Variants in TSPAN7 observed in about 807,000 individuals in gnomAD.
The protein encoded by TSPAN7 is tetraspanin 7.
In TSPAN7, 1 loss-of-function variant was observed where a neutral mutation model predicts 17.6. That is an observed-to-expected ratio of 0.06 (90% CI 0.02 to 0.27). TSPAN7 has a LOEUF of 0.27. Ranked by LOEUF, TSPAN7 falls within the 10% of genes least tolerant of loss-of-function variation. TSPAN7 has a pLI of 1.00. For missense variants in TSPAN7, 112 were observed against 201.7 expected, an observed-to-expected ratio of 0.56 and a Z score of 2.69; for synonymous variants, 78 against 79.0, an observed-to-expected ratio of 0.99 and a Z score of 0.07.
In TSPAN7 at chrX:38,658,293, A is replaced by G. The variant is rs1002317595; in HGVS notation, c.82-7828A>G. 2.8e-5 allele frequency among the ~76,000 whole-genome samples: 3 copies of G among 108,069 alleles called. No individual in the cohort carries two copies. The East Asian group carries it at 8.8e-4, about 32-fold the overall frequency. 93.8% of individuals were successfully genotyped at this position (108,069 alleles called of 115,157 possible). ...CCTCCTGGGCTCAGGTGATCCTCCC[A>G]CCTCAGCCTCCCAAGTAGCTGGGAC... On this transcript the variant is annotated intron_variant, in intron 1 of 7. Coordinates refer to ENST00000378482, the MANE Select transcript of TSPAN7 (RefSeq NM_004615.4).
intron 1 of TSPAN7, among the ~76,000 whole-genome samples, chrX:38,646,590 G>A (rs758229235): frequency 8.9e-6 from 1 of 112,102 alleles, no homozygotes; most frequent in African/African-American, 3.2e-5. Flanking sequence ...AGGGCATCAG[G>A]TATTTTATGC....
At chrX:38,669,134 T>C (rs1025324681) in intron 2 of TSPAN7, among the ~76,000 whole-genome samples, 2 of 111,905 alleles carry the variant, frequency 1.8e-5, no homozygotes, top group African/African-American at 3.2e-5. Flanking sequence ...TTTTAGGTAA[T>C]GGATATGCTA....
intron 1 of TSPAN7, among the ~76,000 whole-genome samples, chrX:38,655,360 C>T (rs1038802786): frequency 4.5e-5 from 5 of 111,025 alleles, no homozygotes; most frequent in Admixed American, 3.9e-4. Flanking sequence ...TTTCATAGTA[C>T]TCTGTCAATA....
intron 5 of TSPAN7, among the ~76,000 whole-genome samples, chrX:38,677,204 T>C (rs2069859892): frequency 8.9e-6 from 1 of 112,200 alleles, no homozygotes; most frequent in Non-Finnish European, 1.9e-5. Context: ...CTCGGTCAAG[T>C]TACTTAACTT....
intron 1 of TSPAN7, among the ~76,000 whole-genome samples, chrX:38,653,137 C>T (rs1219333173): frequency 1.8e-5 from 2 of 111,940 alleles, no homozygotes; most frequent in African/African-American, 6.5e-5. Context: ...AGTCAACAAC[C>T]GAAAGCCTCA....
rs185198928 is a variant in TSPAN7, at chrX:38,661,770, C to T, written c.82-4351C>T. Among the ~76,000 whole-genome samples, 3 of 111,247 alleles carry T rather than the reference C, an allele frequency of 2.7e-5. No individual in the cohort carries two copies. The East Asian group carries it at 8.5e-4, about 31-fold the overall frequency. On this transcript the variant is annotated intron_variant, in intron 1 of 7. Transcript: ENST00000378482. ...ATTTGAGGTCTCTGAGGAGCTCAGA[C>T]ACACAATTGCTTTGGTGAACTCCGA...
At chrX:38,648,934 A>G (rs939414693) in intron 1 of TSPAN7, among the ~76,000 whole-genome samples, 2 of 110,536 alleles carry the variant, frequency 1.8e-5, no homozygotes, top group South Asian at 7.8e-4. Context: ...AAAAAAAAAA[A>G]GAAGTAACAG....
rs1487793877 is a variant in TSPAN7, at chrX:38,646,237, CTT to C, written c.82-19881_82-19880del. ...ATACCATAGAGCTTTTCTATAATAT[CTT>C]TTGTATTACATGTTCATAAAAGAAA... On this transcript the variant is annotated intron_variant, in intron 1 of 7. Transcript: ENST00000378482. 52 of 1,140,375 alleles carry C rather than the reference CTT, an allele frequency of 4.6e-5. 1 individual carries two copies. The East Asian group carries it at 1.7e-3, about 37-fold the overall frequency. The allele number at this position is 1,140,375 out of a possible 1,213,427, so 94.0% of individuals were successfully genotyped here. A position where few individuals can be genotyped will look rare whatever the true frequency, so the allele number is the denominator to read the frequency against.
intron 1 of TSPAN7, among the ~76,000 whole-genome samples, chrX:38,581,230 G>T (rs1269081047): frequency 8.9e-6 from 1 of 112,422 alleles, no homozygotes; most frequent in African/African-American, 3.2e-5. Flanking sequence ...CACTTTCAAA[G>T]GTTTGACTCT....
chrX:38,654,178 T>C (rs2069689908), intron 1 of TSPAN7, among the ~76,000 whole-genome samples: 1 of 111,613 alleles, frequency 9.0e-6, no homozygotes, highest in Non-Finnish European at 1.9e-5. Flanking sequence ...GGCGATGACC[T>C]TGGGCACGTT....
At chrX:38,608,148 C>G (rs924535864) in intron 1 of TSPAN7, 3 of 110,622 alleles carry the variant, frequency 2.7e-5, no homozygotes, top group African/African-American at 9.9e-5. Context: ...CTTTAAACAT[C>G]TGTTTCCTTT....
intron 1 of TSPAN7, among the ~76,000 whole-genome samples, chrX:38,578,342 T>C (rs143331704): frequency 8.9e-6 from 1 of 111,832 alleles, no homozygotes; most frequent in Non-Finnish European, 1.9e-5. Flanking sequence ...ACGATTCCAG[T>C]AGAGACTTGT....
At chrX:38,648,917 CAAA>C (rs781037449) in intron 1 of TSPAN7, among the ~76,000 whole-genome samples, 6 of 49,339 alleles carry the variant, frequency 1.2e-4, no homozygotes. Context: ...AACTCTGTCT[CAAA>C]AAAAAAAAAA....
chrX:38,651,309 C>A (rs1008024875), intron 1 of TSPAN7, among the ~76,000 whole-genome samples: 16 of 110,241 alleles, frequency 1.5e-4, no homozygotes, highest in Non-Finnish European at 2.7e-4. Context: ...ACTAAAAATA[C>A]AAAAAATTAG....
chrX:38,581,281 G>A (rs1476938098), intron 1 of TSPAN7, among the ~76,000 whole-genome samples: 1 of 112,215 alleles, frequency 8.9e-6, no homozygotes, highest in African/African-American at 3.2e-5. Flanking sequence ...AGACATACCC[G>A]AGACTGGGTA....
At chrX:38,597,961 C>T (rs1418343733) in intron 1 of TSPAN7, among the ~76,000 whole-genome samples, 2 of 111,555 alleles carry the variant, frequency 1.8e-5, no homozygotes, top group Non-Finnish European at 3.8e-5. Context: ...CTTTTCTCTT[C>T]CTATGGGCAA....
intron 3 of TSPAN7, among the ~76,000 whole-genome samples, chrX:38,673,115 C>T (rs1279597091): frequency 8.9e-6 from 1 of 111,821 alleles, no homozygotes; most frequent in African/African-American, 3.3e-5. Context: ...ACATAGTTTA[C>T]AGCATTTTAG....
At chrX:38,568,385 G>A (rs972420425) in intron 1 of TSPAN7, among the ~76,000 whole-genome samples, 2 of 109,512 alleles carry the variant, frequency 1.8e-5, no homozygotes, top group Non-Finnish European at 3.8e-5. Context: ...GCTCTTACAG[G>A]TATGAAAATC....
At chrX:38,650,119 T>C (rs2069667790) in intron 1 of TSPAN7, among the ~76,000 whole-genome samples, 1 of 111,880 alleles carries the variant, frequency 8.9e-6, no homozygotes, top group South Asian at 3.7e-4. Flanking sequence ...GCAAGAGAAG[T>C]ACATCCCAGA....
Sources: gnomAD v4.1 joint callset for allele counts (sites outside exome capture counted in the v4.1 genomes callset) on GRCh38, gnomAD v4.1.1 for gene constraint, MANE v1.5 for transcripts, NCBI Gene and HGNC (gene_info 2026-07-23, HGNC 2026-07-21) for gene names.